Variants in ANK2 observed in about 807,000 individuals in gnomAD.
The protein encoded by ANK2 is ankyrin 2.
A neutral mutation model predicts 360.5 loss-of-function variants in ANK2; 83 were observed. That is an observed-to-expected ratio of 0.23 (90% confidence interval 0.19 to 0.28). The LOEUF is 0.28. Ranked by LOEUF, ANK2 falls within the 10% of genes least tolerant of loss-of-function variation. The probability of loss-of-function intolerance (pLI) is 1.00; values close to 1 mark genes in which losing one functional copy is unlikely to be tolerated. For synonymous variants in ANK2, 1,740 were observed against 1,759.5 expected, an observed-to-expected ratio of 0.99 and a Z score of 0.28; for missense variants, 4,201 against 4,795.7, an observed-to-expected ratio of 0.88 and a Z score of 3.66.
At chr4:112,781,827 A>T in the ANK2 span, among the ~76,000 whole-genome samples, 25 of 124,730 alleles carry the variant, frequency 2.0e-4, no homozygotes, top group East Asian at 2.7e-3. Context: ...TGATAACAGT[A>T]TTTTTTTTTT....
At chr4:113,101,596 C>G (rs2092842217) in intron 1 of ANK2, among the ~76,000 whole-genome samples, 1 of 151,992 alleles carries the variant, frequency 6.6e-6, no homozygotes, top group Non-Finnish European at 1.5e-5. Flanking sequence ...TTACAGAGCT[C>G]ATATAACACG....
intron 2 of ANK2, among the ~76,000 whole-genome samples, chr4:112,985,133 C>T (rs931044454): frequency 1.3e-5 from 2 of 152,222 alleles, no homozygotes; most frequent in Non-Finnish European, 2.9e-5. Flanking sequence ...ACAGACATAT[C>T]TGTATTTCTA....
chr4:112,889,577 C>A (rs911475157), intron 1 of ANK2, among the ~76,000 whole-genome samples: 5 of 148,446 alleles, frequency 3.4e-5, no homozygotes, highest in Admixed American at 3.3e-4. Context: ...TTTTTTTTGA[C>A]TGGGTTCCTA....
Position 113,277,917 on chromosome 4 carries a change from C to T in ANK2, c.1764C>T (p.Ala588=), listed in dbSNP as rs1019095466. The T allele has an allele frequency of 6.2e-7, 1 of 1,613,692 alleles. No individual in the cohort carries two copies. The highest frequency in any genetic ancestry group is 8.5e-7 in the Non-Finnish European group (1 of 1,179,714). The change falls in exon 16 of 46, where the codon GCC becomes GCT. Residue 588 remains alanine (A), a synonymous_variant. Transcript: ENST00000357077. ...AACTTCTCTTGCAACGCCGTGCTGCCGCAGATTCTGCAGGGAAGGTAAAGA... is the reference window on the plus strand; with the variant it reads ...AACTTCTCTTGCAACGCCGTGCTGCTGCAGATTCTGCAGGGAAGGTAAAGA... ...VAKLLLQRRA[A]ADSAGKNGLT...
Position 113,293,568 on chromosome 4 carries a change from C to T in ANK2, c.2475+30C>T, listed in dbSNP as rs188767075. ...GTATGAGTGACTGACTAGCTTCAGCCCTGTTATTCTTCGTTTTCAAACTAA... is the reference window on the plus strand; with the variant it reads ...GTATGAGTGACTGACTAGCTTCAGCTCTGTTATTCTTCGTTTTCAAACTAA... On this transcript the variant is annotated intron_variant, in intron 22 of 45. Transcript: ENST00000357077. The T allele has an allele frequency of 2.9e-4, 463 of 1,576,412 alleles. 3 individuals are homozygous for T. In the African/African-American group the frequency reaches 5.6e-3, roughly 19 times the overall value.
chr4:113,030,658 G>A (rs1402557687), intron 2 of ANK2, among the ~76,000 whole-genome samples: 1 of 151,910 alleles, frequency 6.6e-6, no homozygotes, highest in Non-Finnish European at 1.5e-5. Flanking sequence ...CACTGCCATT[G>A]TTTAAAAAAA....
At chr4:113,219,505 C>CA in intron 4 of ANK2, among the ~76,000 whole-genome samples, 1 of 143,606 alleles carries the variant, frequency 7.0e-6, no homozygotes, top group Admixed American at 6.9e-5. Flanking sequence ...TTATACATTA[C>CA]AAAAAACAAT....
intron 1 of ANK2, among the ~76,000 whole-genome samples, chr4:112,847,721 T>G (rs1560771523): frequency 6.6e-6 from 1 of 152,126 alleles, no homozygotes; most frequent in Non-Finnish European, 1.5e-5. Context: ...CTTCAATATA[T>G]AAAAAAATAA....
At chr4:112,746,331 G>C in the ANK2 span, among the ~76,000 whole-genome samples, 1 of 151,980 alleles carries the variant, frequency 6.6e-6, no homozygotes, top group East Asian at 1.9e-4. Flanking sequence ...ACAAAAAAAA[G>C]TTCAAATGTT....
chr4:113,225,443 A>C (rs1484266096), intron 4 of ANK2, among the ~76,000 whole-genome samples: 1 of 152,178 alleles, frequency 6.6e-6, no homozygotes, highest in East Asian at 1.9e-4. Context: ...ATTTACTCTT[A>C]TATTAAGATA....
intron 2 of ANK2, among the ~76,000 whole-genome samples, chr4:113,037,032 T>C (rs2154309163): frequency 6.6e-6 from 1 of 152,074 alleles, no homozygotes; most frequent in South Asian, 2.1e-4. Context: ...AATATGCTGA[T>C]GCTAATGTTA....
chr4:113,235,166 TCA>T (rs2099361606), intron 5 of ANK2, among the ~76,000 whole-genome samples: 1 of 152,206 alleles, frequency 6.6e-6, no homozygotes, highest in Non-Finnish European at 1.5e-5. Context: ...ATATAAACTA[TCA>T]CAGTGCTGCA....
intron 28 of ANK2, 61 bp downstream of exon 28, chr4:113,332,131 A>G: frequency 7.1e-7 from 1 of 1,404,826 alleles, no homozygotes; most frequent in Admixed American, 1.7e-5. Context: ...CTTCTTCTGC[A>G]ATATGATTTC....
chr4:112,918,870 G>A (rs1005557495), intron 2 of ANK2, among the ~76,000 whole-genome samples: 7 of 152,100 alleles, frequency 4.6e-5, no homozygotes, highest in Admixed American at 2.0e-4. Context: ...GCTACTTCTT[G>A]AACGTGGAAT....
chr4:112,885,238 C>A (rs138059578), intron 1 of ANK2, among the ~76,000 whole-genome samples: 3 of 152,124 alleles, frequency 2.0e-5, no homozygotes, highest in East Asian at 1.9e-4. Context: ...TGGTGGTTCA[C>A]GCCTGTAATC....
chr4:112,921,374 TTTAAG>T (rs1189564033), intron 2 of ANK2, among the ~76,000 whole-genome samples: 1 of 141,020 alleles, frequency 7.1e-6, no homozygotes, highest in Non-Finnish European at 1.5e-5. Flanking sequence ...ATTAGGTTTC[TTTAAG>T]TTTTTTTTTT....
the ANK2 span, among the ~76,000 whole-genome samples, chr4:112,715,962 A>C: frequency 6.6e-6 from 1 of 152,212 alleles, no homozygotes; most frequent in African/African-American, 2.4e-5. Flanking sequence ...AAAATGTACA[A>C]AATACATTTT....
chr4:113,210,604 G>T (rs1033820751), intron 4 of ANK2, among the ~76,000 whole-genome samples: 1 of 152,194 alleles, frequency 6.6e-6, no homozygotes, highest in African/African-American at 2.4e-5. Context: ...CCTTGGACAA[G>T]TTATCTCCCA....
Position 112,902,847 on chromosome 4 carries a change from A to T in ANK2, c.-39-1608A>T, listed in dbSNP as rs1234032556. On this transcript the variant is annotated intron_variant, in intron 1 of 30. Transcript: ENST00000503271. The stretch of plus-strand genomic sequence containing the variant: ...TGTGGACACCACATCTGTTGAAATT[A>T]TAATCTTTTAATCTAGACAAAGAGT... Among the ~76,000 whole-genome samples the T allele has an allele frequency of 2.0e-5, 3 of 152,358 alleles. No individual in the cohort carries two copies. In the South Asian group the frequency reaches 6.2e-4, roughly 32 times the overall value.
Sources: gnomAD v4.1 joint callset for allele counts (sites outside exome capture counted in the v4.1 genomes callset) on GRCh38, gnomAD v4.1.1 for gene constraint, MANE v1.5 for transcripts, NCBI Gene and HGNC (gene_info 2026-07-23, HGNC 2026-07-21) for gene names.